The following ADARB1 variants were observed in gnomAD, a reference collection of about 807,000 sequenced individuals.
The protein encoded by ADARB1 is adenosine deaminase RNA specific B1.
A neutral mutation model predicts 52.4 loss-of-function variants in ADARB1; 10 were observed. The ratio of observed to expected loss-of-function variants is 0.19; its 90% confidence interval spans 0.12 to 0.32. ADARB1 has a LOEUF of 0.32. Among genes scored for constraint, ADARB1 ranks in the 10% least tolerant of loss-of-function variants. The pLI is 1.00. For missense variants in ADARB1, 643 were observed against 922.3 expected (o/e 0.70, Z 3.92); for synonymous variants, 349 against 371.1 (o/e 0.94, Z 0.68).
At chr21:45,160,169 G>C (rs980173064) in intron 2 of ADARB1, among the ~76,000 whole-genome samples, 15 of 152,208 alleles carry the variant, frequency 9.9e-5, no homozygotes, top group African/African-American at 3.4e-4. Flanking sequence ...CATGCTCCAG[G>C]TCCCTTAGAT....
intron 2 of ADARB1, among the ~76,000 whole-genome samples, chr21:45,155,618 C>T (rs2090519012): frequency 1.3e-5 from 2 of 151,550 alleles, no homozygotes; most frequent in South Asian, 4.2e-4. Flanking sequence ...ATCCACCCAT[C>T]TACCCATGCA....
In ADARB1 at chr21:45,224,011, G is replaced by A. The variant is rs35260542; in HGVS notation, c.*1814G>A. The A allele has an allele frequency of 1.3e-5, 13 of 985,498 alleles. No homozygotes were observed. Among genetic ancestry groups the A allele is most frequent in the Non-Finnish European group, 1.6e-5 (13 of 829,988 alleles). The allele number at this position is 985,498 out of a possible 1,614,324, so 61.0% of individuals were successfully genotyped here. A position where few individuals can be genotyped will look rare whatever the true frequency, so the allele number is the denominator to read the frequency against. On this transcript the variant is annotated 3_prime_UTR_variant, in exon 11 of 11. Coordinates refer to ENST00000348831, the MANE Select transcript of ADARB1 (RefSeq NM_001112.4). ...CGTCACCACAGTGGGGTTTTGTTCA[G>A]GCAGATCGCGCTGGGGTTCTGCACC...
At chr21:45,094,890 G>A (rs549938608) in intron 1 of ADARB1, among the ~76,000 whole-genome samples, 3 of 152,128 alleles carry the variant, frequency 2.0e-5, no homozygotes, top group Non-Finnish European at 4.4e-5. Flanking sequence ...GGGCCTGGAC[G>A]CTCACTGAGA....
chr21:45,086,507 C>T (rs972607557), intron 1 of ADARB1, among the ~76,000 whole-genome samples: 13 of 152,320 alleles, frequency 8.5e-5, no homozygotes, highest in African/African-American at 3.1e-4. Context: ...CCCAGCCCAG[C>T]CTCAGGCAAC....
Position 45,182,685 on chromosome 21 carries a change from C to T in ADARB1, c.1179C>T (p.Cys393=). The T allele has an allele frequency of 6.2e-7, 1 of 1,610,924 alleles. No homozygotes were observed. The highest frequency in any genetic ancestry group is 8.5e-7 in the Non-Finnish European group (1 of 1,178,858). The change falls in exon 6 of 11, where the codon TGC becomes TGT. Residue 393 remains cysteine, a synonymous_variant. Coordinates refer to ENST00000348831, the MANE Select transcript of ADARB1 (RefSeq NM_001112.4). Reference sequence around the variant, plus strand: ...ATCGTGGCCTTGCATTAAATGACTGCCATGCAGAAATAATATCTCGGAGAT... The same window carrying T: ...ATCGTGGCCTTGCATTAAATGACTGTCATGCAGAAATAATATCTCGGAGAT... ...MSDRGLALND[C]HAEIISRRSL... is the part of the protein sequence containing the mutation.
chr21:45,097,352 C>A (rs888782731), intron 1 of ADARB1, among the ~76,000 whole-genome samples: 23 of 152,210 alleles, frequency 1.5e-4, no homozygotes, highest in African/African-American at 5.3e-4. Context: ...GTGCTCACTC[C>A]CAATTTGAAA....
chr21:45,088,835 C>T (rs2086449217), intron 1 of ADARB1, among the ~76,000 whole-genome samples: 1 of 152,210 alleles, frequency 6.6e-6, no homozygotes, highest in African/African-American at 2.4e-5. Context: ...CCGCCCCACA[C>T]CACATGGCAT....
intron 9 of ADARB1, among the ~76,000 whole-genome samples, chr21:45,214,833 T>C (rs2092831778): frequency 6.6e-6 from 1 of 152,224 alleles, no homozygotes; most frequent in Non-Finnish European, 1.5e-5. Context: ...TTTGTACTTT[T>C]TCAAAGTTGT....
At position 45,204,293 on chromosome 21, in the gene ADARB1, A is replaced by G. The variant is rs2092622366; in HGVS notation, c.1566-262A>G. Among the ~76,000 whole-genome samples, 2 of 152,232 alleles carry G rather than the reference A, an allele frequency of 1.3e-5. No homozygotes were observed. The highest frequency in any genetic ancestry group is 4.8e-5 in the African/African-American group (2 of 41,462). ...TTCTGATATTTCCCACAGATTTCTC[A>G]CAAGAAACATATGTGGCTCATTGAT... On this transcript the variant is annotated intron_variant, in intron 8 of 10. Transcript: ENST00000348831. This position sits in a 1 kb window ranked among gnomAD's most constrained non-coding sequence, Gnocchi z 4.4.
chr21:45,222,205 A>G lies in ADARB1; in HGVS notation c.*8A>G, dbSNP rs781577753. The G allele has an allele frequency of 1.0e-5, 16 of 1,551,816 alleles. No individual in the cohort carries two copies. In the African/African-American group the frequency reaches 2.1e-4, roughly 20 times the overall value. Reference sequence around the variant, plus strand: ...TTCTCACTCACGCCCTGACCCGGGCAGACATGATGGGGGGTGCAGGGGGCT... The same window carrying G: ...TTCTCACTCACGCCCTGACCCGGGCGGACATGATGGGGGGTGCAGGGGGCT... On this transcript the variant is annotated 3_prime_UTR_variant, in exon 11 of 11. Transcript: ENST00000348831.
chr21:45,149,089 C>T (rs922322703), intron 2 of ADARB1, among the ~76,000 whole-genome samples: 5 of 152,210 alleles, frequency 3.3e-5, no homozygotes, highest in African/African-American at 4.8e-5. Flanking sequence ...CCCTGACACC[C>T]GCATGTTCCT....
At chr21:45,211,890 G>A (rs533874518) in intron 9 of ADARB1, among the ~76,000 whole-genome samples, 5 of 152,260 alleles carry the variant, frequency 3.3e-5, no homozygotes, top group South Asian at 4.1e-4. Context: ...ACTCGTAGAC[G>A]TATGCGCTTA....
In ADARB1 at chr21:45,208,672, GTGTA is replaced by G. The variant is rs1045946872; in HGVS notation, c.1747+3939_1747+3942del. Reference sequence around the variant, plus strand: ...TGTGAGTGTGTGCATGAGTGCGTGTGTGTATGAGTGTGTGTGCATGTGTGTGTGC... The same window carrying G: ...TGTGAGTGTGTGCATGAGTGCGTGTGTGAGTGTGTGTGCATGTGTGTGTGC... On this transcript the variant is annotated intron_variant, in intron 9 of 10. Coordinates refer to ENST00000348831, the MANE Select transcript of ADARB1 (RefSeq NM_001112.4). The surrounding 1 kb of genome is among the most constrained non-coding windows in gnomAD (Gnocchi z 5.6). 2.6e-4 allele frequency among the ~76,000 whole-genome samples: 40 copies of G among 152,052 alleles called. 1 individual carries two copies. The highest frequency in any genetic ancestry group is 2.3e-3 in the East Asian group (12 of 5,180).
intron 8 of ADARB1, among the ~76,000 whole-genome samples, chr21:45,199,776 C>T (rs992503123): frequency 1.3e-5 from 2 of 152,224 alleles, no homozygotes; most frequent in African/African-American, 4.8e-5. Context: ...TCTGATGTCT[C>T]ATGTGACCAA....
intron 1 of ADARB1, among the ~76,000 whole-genome samples, chr21:45,088,564 C>T (rs1004836842): frequency 2.0e-5 from 3 of 152,128 alleles, no homozygotes; most frequent in Non-Finnish European, 2.9e-5. Flanking sequence ...GGTGTAGGAG[C>T]AGTGAGAAAA....
intron 4 of ADARB1, among the ~76,000 whole-genome samples, chr21:45,179,631 G>A (rs989646287): frequency 6.6e-6 from 1 of 152,126 alleles, no homozygotes; most frequent in Non-Finnish European, 1.5e-5. Flanking sequence ...CAGGTGTTCC[G>A]AACGTCTAAG....
intron 2 of ADARB1, among the ~76,000 whole-genome samples, chr21:45,136,215 G>A (rs1323820663): frequency 1.3e-5 from 2 of 152,156 alleles, no homozygotes; most frequent in Non-Finnish European, 1.5e-5. Context: ...TCTGGTTCTG[G>A]CCTCCTGTCA....
chr21:45,137,819 G>A lies in ADARB1; in HGVS notation c.-48+9246G>A, dbSNP rs2089477846. Among the ~76,000 whole-genome samples the A allele has an allele frequency of 2.6e-5, 4 of 152,110 alleles. No individual in the cohort carries two copies. In the South Asian group the frequency reaches 8.3e-4, roughly 31 times the overall value. On this transcript the variant is annotated intron_variant, in intron 2 of 10. Transcript: ENST00000348831. The stretch of plus-strand genomic sequence containing the variant: ...TGGATGTAGGGTTGCAGCAAGTCTG[G>A]AAAGCTGGGTTTGTTTTCCAGGGAG...
intron 9 of ADARB1, among the ~76,000 whole-genome samples, chr21:45,212,537 A>G (rs1176987420): frequency 6.6e-6 from 1 of 152,174 alleles, no homozygotes; most frequent in Non-Finnish European, 1.5e-5. Context: ...TCAGGAAGAC[A>G]TGAGGCTCCT....
Sources: allele counts gnomAD v4.1 joint callset (sites outside exome capture counted in the v4.1 genomes callset), GRCh38; gene constraint gnomAD v4.1.1; non-coding constraint Gnocchi (gnomAD v3.1); transcripts MANE v1.5; gene names NCBI Gene and HGNC (gene_info 2026-07-23, HGNC 2026-07-21).